The following MAN1A1 variants were observed in gnomAD, a reference collection of about 807,000 sequenced individuals.
MAN1A1 encodes the protein mannosyl-oligosaccharide 1,2-alpha-mannosidase IA.
In MAN1A1, 29 loss-of-function variants were observed where a neutral mutation model predicts 70.8. The observed-to-expected ratio is 0.41, with a 90% CI of 0.31 to 0.56. MAN1A1 has a LOEUF of 0.56. Among genes scored for constraint, MAN1A1 ranks in the 20% least tolerant of loss-of-function variants. The pLI, the probability that MAN1A1 is intolerant of heterozygous loss-of-function variation, is 0.29. For synonymous variants in MAN1A1, 349 were observed against 330.1 expected (o/e 1.06, Z -0.62); for missense variants, 747 against 841.3 (o/e 0.89, Z 1.39).
At chr6:119,235,690 C>T (rs773378174) in intron 6 of MAN1A1, among the ~76,000 whole-genome samples, 9 of 152,182 alleles carry the variant, frequency 5.9e-5, no homozygotes, top group Non-Finnish European at 4.4e-5. Flanking sequence ...AAACAGCCTT[C>T]TGCTGGAAGA....
chr6:119,308,699 A>G (rs528895256), intron 2 of MAN1A1, among the ~76,000 whole-genome samples: 23 of 152,322 alleles, frequency 1.5e-4, no homozygotes, highest in African/African-American at 4.6e-4. Context: ...CTGAAAGACT[A>G]GGTATATAAA....
intron 6 of MAN1A1, among the ~76,000 whole-genome samples, chr6:119,239,527 A>G (rs1173885328): frequency 6.6e-6 from 1 of 152,228 alleles, no homozygotes; most frequent in African/African-American, 2.4e-5. Flanking sequence ...AATATTTTAT[A>G]TTGACCCTCC....
At chr6:119,187,249 A>T (rs1015076763) in intron 11 of MAN1A1, among the ~76,000 whole-genome samples, 2 of 152,208 alleles carry the variant, frequency 1.3e-5, no homozygotes, top group African/African-American at 4.8e-5. Context: ...GATTTGATGG[A>T]ACACACCATT....
At chr6:119,335,988 T>G (rs1203931938) in intron 2 of MAN1A1, among the ~76,000 whole-genome samples, 2 of 152,202 alleles carry the variant, frequency 1.3e-5, no homozygotes, top group Non-Finnish European at 2.9e-5. Flanking sequence ...AGCATCAGTA[T>G]CACCTAGCAA....
chr6:119,282,536 A>C (rs1184851365), intron 5 of MAN1A1, among the ~76,000 whole-genome samples: 1 of 152,240 alleles, frequency 6.6e-6, no homozygotes, highest in Non-Finnish European at 1.5e-5. Context: ...CTCATTAACC[A>C]TGGAAATTTA....
chr6:119,184,536 G>T (rs1773235209), intron 11 of MAN1A1, among the ~76,000 whole-genome samples: 1 of 152,236 alleles, frequency 6.6e-6, no homozygotes, highest in African/African-American at 2.4e-5. Context: ...CAGGCACCTT[G>T]AACAAATCAA....
chr6:119,238,968 G>T (rs930311138), intron 6 of MAN1A1, among the ~76,000 whole-genome samples: 6 of 152,020 alleles, frequency 3.9e-5, no homozygotes, highest in African/African-American at 1.4e-4. Context: ...TCGGCTCACT[G>T]CAAGTTCCGC....
chr6:119,334,265 A>G (rs1773395252), intron 2 of MAN1A1, among the ~76,000 whole-genome samples: 1 of 152,232 alleles, frequency 6.6e-6, no homozygotes, highest in South Asian at 2.1e-4. Context: ...GATTTTAAAA[A>G]GCTTGGGAAA....
intron 2 of MAN1A1, among the ~76,000 whole-genome samples, chr6:119,309,372 C>T (rs1442202266): frequency 6.6e-6 from 1 of 152,138 alleles, no homozygotes; most frequent in Non-Finnish European, 1.5e-5. Flanking sequence ...AAAAGGCTAC[C>T]AGCTTTTAAT....
At chr6:119,203,600 T>A (rs1015173706) in intron 7 of MAN1A1, among the ~76,000 whole-genome samples, 23 of 152,048 alleles carry the variant, frequency 1.5e-4, no homozygotes, top group African/African-American at 5.6e-4. Context: ...GGTGACCTGA[T>A]GGATCCCAGA....
chr6:119,281,197 C>A (rs1215556137), intron 5 of MAN1A1, among the ~76,000 whole-genome samples: 1 of 152,220 alleles, frequency 6.6e-6, no homozygotes, highest in Non-Finnish European at 1.5e-5. Context: ...TCACACTCGT[C>A]ACCCTACTTT....
Position 119,290,852 on chromosome 6 carries a change from T to G in MAN1A1, c.817-89A>C, listed in dbSNP as rs1455639467. 18 of 838,662 alleles carry G rather than the reference T, an allele frequency of 2.1e-5. No homozygotes were observed. The African/African-American group carries it at 2.4e-4, about 11-fold the overall frequency. The allele number at this position is 838,662 out of a possible 1,614,324, so 52.0% of individuals were successfully genotyped here. ...AATTATACTAAATACTTAAATTTTG[T>G]TCAAATCTTATGCTTGCCCAGAGAA... On this transcript the variant is annotated intron_variant, in intron 4 of 12. Transcript: ENST00000368468.
In MAN1A1 at chr6:119,179,136, T is replaced by C. The variant is rs1179042373; in HGVS notation, c.*683A>G. On this transcript the variant is annotated 3_prime_UTR_variant, in exon 13 of 13. Transcript: ENST00000368468. The stretch of plus-strand genomic sequence containing the variant: ...ATGACACAGGGCATTTAAAGTAAAA[T>C]TAAAGGACACATTTACAAAATAGAA... 1 of 152,074 alleles carries C rather than the reference T, an allele frequency of 6.6e-6. No homozygotes were observed. The highest frequency in any genetic ancestry group is 1.9e-4 in the East Asian group (1 of 5,194). 9.4% of individuals were successfully genotyped at this position (152,074 alleles called of 1,614,324 possible).
intron 2 of MAN1A1, among the ~76,000 whole-genome samples, chr6:119,348,101 C>T (rs930060907): frequency 6.6e-6 from 1 of 152,180 alleles, no homozygotes; most frequent in Non-Finnish European, 1.5e-5. Flanking sequence ...CCAATCCTTA[C>T]CAGGGGGCTG....
intron 2 of MAN1A1, among the ~76,000 whole-genome samples, chr6:119,345,644 G>A (rs2114514857): frequency 6.6e-6 from 1 of 152,296 alleles, no homozygotes; most frequent in Non-Finnish European, 1.5e-5. Context: ...ATGTGCCATA[G>A]ATATAAAAAA....
intron 6 of MAN1A1, among the ~76,000 whole-genome samples, chr6:119,243,974 A>G (rs1162297251): frequency 1.3e-5 from 2 of 152,070 alleles, no homozygotes; most frequent in East Asian, 3.8e-4. Flanking sequence ...GAGAAGTGAT[A>G]AAATAGTGTA....
intron 5 of MAN1A1, among the ~76,000 whole-genome samples, chr6:119,249,356 T>C (rs760545394): frequency 6.6e-6 from 1 of 152,120 alleles, no homozygotes; most frequent in Non-Finnish European, 1.5e-5. Context: ...CAGAACTGTG[T>C]TTTAGGAAGA....
intron 6 of MAN1A1, among the ~76,000 whole-genome samples, chr6:119,222,033 C>T (rs771236820): frequency 1.2e-4 from 19 of 152,042 alleles, no homozygotes; most frequent in Non-Finnish European, 2.1e-4. Flanking sequence ...GGGAAATCCT[C>T]CTTTATGACC....
intron 2 of MAN1A1, among the ~76,000 whole-genome samples, chr6:119,317,296 T>C (rs1365321478): frequency 6.6e-6 from 1 of 152,198 alleles, no homozygotes; most frequent in African/African-American, 2.4e-5. Flanking sequence ...GTGTTGTATA[T>C]TTCAATGGTT....
Sources: gnomAD v4.1 joint callset for allele counts (sites outside exome capture counted in the v4.1 genomes callset) on GRCh38, gnomAD v4.1.1 for gene constraint, MANE v1.5 for transcripts, NCBI Gene and HGNC (gene_info 2026-07-23, HGNC 2026-07-21) for gene names.